CATSPERE: variants seen among roughly 807,000 people sequenced by gnomAD.
The protein encoded by CATSPERE is cation channel sperm-associated auxiliary subunit epsilon.
Under a neutral mutation model 114.1 loss-of-function variants are expected in CATSPERE, and 93 were observed. The ratio of observed to expected loss-of-function variants is 0.81; its 90% CI spans 0.69 to 0.97. The LOEUF (loss-of-function observed/expected upper bound fraction) is 0.97, where lower values mean the gene tolerates loss of function less well. Ranked by LOEUF, CATSPERE falls within the 50% of genes least tolerant of loss-of-function variation. CATSPERE has a pLI of 0.00. For missense variants in CATSPERE, 1,058 were observed against 1,131.6 expected, an observed-to-expected ratio of 0.93 and a Z score of 0.93; for synonymous variants, 341 against 384.1, an observed-to-expected ratio of 0.89 and a Z score of 1.31.
upstream of CATSPERE, among the ~76,000 whole-genome samples, chr1:244,459,651 C>T (rs1290396668): frequency 6.6e-6 from 1 of 152,162 alleles, no homozygotes; most frequent in African/African-American, 2.4e-5. Flanking sequence ...TTTTCTTGTG[C>T]AGTTTAGACT....
chr1:244,513,052 C>A (rs906249027), intron 7 of CATSPERE, among the ~76,000 whole-genome samples: 3 of 152,200 alleles, frequency 2.0e-5, no homozygotes, highest in African/African-American at 7.2e-5. Context: ...TAGACCAATT[C>A]TTGGGCCTCC....
chr1:244,560,900 T>C lies in CATSPERE; in HGVS notation c.1262T>C (p.Leu421Ser), dbSNP rs1662456220. Residue 421 changes from leucine to serine, a missense_variant, in exon 10 of 22, where the codon TTA becomes TCA. Around this residue, in one of 2 missense-constraint regions of CATSPERE, gnomAD observed 787 missense variants for 905.6 expected, o/e 0.87. Transcript: ENST00000366534. ...TVCNVTKKIFLVIYNEDTKQW... is the reference protein window; with the variant it reads ...TVCNVTKKIFSVIYNEDTKQW... Reference sequence around the variant, plus strand: ...TGTAACGTCACCAAAAAGATTTTCTTAGTGATATATAATGAAGATACAAAA... The same window carrying C: ...TGTAACGTCACCAAAAAGATTTTCTCAGTGATATATAATGAAGATACAAAA... The C allele has an allele frequency of 4.3e-6, 7 of 1,614,000 alleles. No homozygotes were observed. Among genetic ancestry groups the C allele is most frequent in the Non-Finnish European group, 5.9e-6 (7 of 1,179,976 alleles).
intron 20 of CATSPERE, among the ~76,000 whole-genome samples, chr1:244,635,212 A>G (rs1341529318): frequency 6.6e-6 from 1 of 152,198 alleles, no homozygotes; most frequent in African/African-American, 2.4e-5. Context: ...AATACTTATT[A>G]TTAATACCAT....
At chr1:244,540,068 A>G (rs1658386892) in intron 8 of CATSPERE, among the ~76,000 whole-genome samples, 1 of 151,126 alleles carries the variant, frequency 6.6e-6, no homozygotes, top group Admixed American at 6.6e-5. Flanking sequence ...ATGGGCAAAA[A>G]CTGGAAGCAT....
chr1:244,516,601 A>C (rs1676673226), intron 7 of CATSPERE, among the ~76,000 whole-genome samples: 2 of 151,824 alleles, frequency 1.3e-5, no homozygotes, highest in South Asian at 4.2e-4. Flanking sequence ...AACTCACTGC[A>C]ACCTCCACCT....
At chr1:244,564,425 C>T (rs1344801732) in intron 10 of CATSPERE, among the ~76,000 whole-genome samples, 1 of 152,050 alleles carries the variant, frequency 6.6e-6, no homozygotes, top group Non-Finnish European at 1.5e-5. Context: ...CTCTTATTTC[C>T]TTGAGCAGTG....
At chr1:244,637,700 T>G (rs974718653) in intron 21 of CATSPERE, among the ~76,000 whole-genome samples, 3 of 152,224 alleles carry the variant, frequency 2.0e-5, no homozygotes, top group Non-Finnish European at 4.4e-5. Context: ...TGTTACTCCC[T>G]CTGGCAAATC....
intron 21 of CATSPERE, among the ~76,000 whole-genome samples, chr1:244,639,708 C>T (rs993745459): frequency 6.6e-6 from 1 of 150,814 alleles, no homozygotes; most frequent in African/African-American, 2.4e-5. Flanking sequence ...TTCATTTCCT[C>T]CTCCCATTGC....
chr1:244,469,301 T>C (rs1668088458), intron 2 of CATSPERE, among the ~76,000 whole-genome samples: 4 of 152,164 alleles, frequency 2.6e-5, no homozygotes, highest in African/African-American at 9.7e-5. Flanking sequence ...AAGGAATACA[T>C]ATAAGTACAT....
chr1:244,589,332 A>C (rs183821870), intron 14 of CATSPERE, among the ~76,000 whole-genome samples: 4 of 152,292 alleles, frequency 2.6e-5, no homozygotes, highest in Admixed American at 2.6e-4. Context: ...TAATCTTTTA[A>C]TTATTACTGA....
At chr1:244,581,189 T>C (rs569275842) in intron 11 of CATSPERE, among the ~76,000 whole-genome samples, 71 of 152,296 alleles carry the variant, frequency 4.7e-4, no homozygotes, top group African/African-American at 1.7e-3. Flanking sequence ...ATTTTTGTCT[T>C]GCTTTTGTCT....
In CATSPERE at chr1:244,589,051, C is replaced by T. The variant is rs755872220; in HGVS notation, c.2138+517C>T. 3.3e-5 allele frequency among the ~76,000 whole-genome samples: 5 copies of T among 152,310 alleles called. No individual in the cohort carries two copies. The South Asian group carries it at 6.2e-4, about 19-fold the overall frequency. On this transcript the variant is annotated intron_variant, in intron 14 of 21. Transcript: ENST00000366534. ...GAGAATCCCAACGTGTGAATTTTGT[C>T]GGTTCTACTATGGTTCATGATGAAG... is the stretch of plus-strand genomic sequence containing the variant.
intron 7 of CATSPERE, among the ~76,000 whole-genome samples, chr1:244,515,067 G>T (rs1676402507): frequency 6.6e-6 from 1 of 152,052 alleles, no homozygotes; most frequent in Non-Finnish European, 1.5e-5. Flanking sequence ...TCAATGTTTG[G>T]CCATTGTACT....
chr1:244,590,667 T>C (rs567382492), intron 14 of CATSPERE, among the ~76,000 whole-genome samples: 1 of 152,344 alleles, frequency 6.6e-6, no homozygotes, highest in Non-Finnish European at 1.5e-5. Context: ...TTGCCTGCTC[T>C]GAATATTTCA....
intron 6 of CATSPERE, among the ~76,000 whole-genome samples, chr1:244,495,938 A>G (rs1673012626): frequency 6.6e-6 from 1 of 152,332 alleles, no homozygotes; most frequent in East Asian, 1.9e-4. Context: ...ATACAAATAC[A>G]ACTTTGCAAG....
chr1:244,570,142 A>G (rs1461575647), intron 10 of CATSPERE, among the ~76,000 whole-genome samples: 1 of 152,074 alleles, frequency 6.6e-6, no homozygotes, highest in Non-Finnish European at 1.5e-5. Flanking sequence ...ATCTATTCTA[A>G]TATTTTATCC....
At chr1:244,511,426 G>C (rs1397300162) in intron 7 of CATSPERE, among the ~76,000 whole-genome samples, 1 of 151,980 alleles carries the variant, frequency 6.6e-6, no homozygotes, top group Non-Finnish European at 1.5e-5. Flanking sequence ...GCCTGTAAAT[G>C]TCATTTAAAT....
At chr1:244,609,136 A>T (rs1325025859) in intron 18 of CATSPERE, among the ~76,000 whole-genome samples, 1 of 151,982 alleles carries the variant, frequency 6.6e-6, no homozygotes, top group Admixed American at 6.6e-5. Context: ...CAGTGAGCCG[A>T]GATTGTACCA....
intron 6 of CATSPERE, 108 bp downstream of exon 6, chr1:244,490,579 A>G (rs1572367467): frequency 1.3e-6 from 1 of 743,526 alleles, no homozygotes; most frequent in Non-Finnish European, 2.3e-6. Flanking sequence ...GAATTTTGCA[A>G]TGATATTTGC....
Sources: gnomAD v4.1 joint callset for allele counts (sites outside exome capture counted in the v4.1 genomes callset) on GRCh38, gnomAD v4.1.1 for gene constraint, gnomAD v4.1.1 regional missense constraint, MANE v1.5 for transcripts, NCBI Gene and HGNC (gene_info 2026-07-23, HGNC 2026-07-21) for gene names.